The following CUX1 variants were observed in gnomAD, a reference collection of about 807,000 sequenced individuals.
The protein encoded by CUX1 is protein CASP.
CUX1 carries 31 observed loss-of-function variants against 158.8 expected under a neutral mutation model. That is an observed-to-expected ratio of 0.20 (90% CI 0.15 to 0.26). The LOEUF (loss-of-function observed/expected upper bound fraction) is 0.26. Ranked by LOEUF, CUX1 falls within the 10% of genes least tolerant of loss-of-function variation. CUX1 has a pLI of 1.00. For synonymous variants in CUX1, 879 were observed against 862.1 expected (o/e 1.02, Z -0.34); for missense variants, 1,589 against 2,014.6 (o/e 0.79, Z 4.04).
intron 1 of CUX1, among the ~76,000 whole-genome samples, chr7:101,859,553 CTG>C (rs1797219165): frequency 6.6e-6 from 1 of 152,142 alleles, no homozygotes; most frequent in African/African-American, 2.4e-5. Flanking sequence ...TCCCAAATAA[CTG>C]TATTTATTAC....
At chr7:102,135,019 A>G (rs1239167781) in intron 8 of CUX1, among the ~76,000 whole-genome samples, 1 of 152,172 alleles carries the variant, frequency 6.6e-6, no homozygotes, top group Non-Finnish European at 1.5e-5. Context: ...ACTTTTACCT[A>G]TCAATTAATT....
chr7:102,055,945 G>C (rs1442891961), intron 3 of CUX1, among the ~76,000 whole-genome samples: 2 of 152,168 alleles, frequency 1.3e-5, no homozygotes, highest in Admixed American at 6.5e-5. Flanking sequence ...TTGGTGATCT[G>C]CATAGACGAT....
At position 102,170,435 on chromosome 7, in the gene CUX1, A is replaced by C. The variant is rs782133139; in HGVS notation, c.724-11A>C. The C allele has an allele frequency of 2.6e-6, 4 of 1,557,610 alleles. No homozygotes were observed. Among genetic ancestry groups the C allele is most frequent in the Non-Finnish European group, 2.6e-6 (3 of 1,148,968 alleles). On this transcript the variant is annotated splice_polypyrimidine_tract_variant and intron_variant, in intron 9 of 23. Transcript: ENST00000292535. ...TGTACTTTCTCTTTCACCCCTTTTC[A>C]TTTCCTTCAGAGGGCAGAGGTGGCT...
chr7:102,247,858 C>CA (rs1432284834), intron 23 of CUX1, among the ~76,000 whole-genome samples: 4 of 151,598 alleles, frequency 2.6e-5, no homozygotes, highest in African/African-American at 9.7e-5. Flanking sequence ...TGGCCGGACG[C>CA]AGTGGCTCAC....
chr7:102,228,171 G>A (rs892487177), intron 21 of CUX1, among the ~76,000 whole-genome samples: 1 of 151,614 alleles, frequency 6.6e-6, no homozygotes, highest in Non-Finnish European at 1.5e-5. Context: ...GGCTGGTCTC[G>A]AACTCTTGGC....
chr7:101,865,567 T>C (rs1797858164), intron 1 of CUX1, among the ~76,000 whole-genome samples: 1 of 152,318 alleles, frequency 6.6e-6, no homozygotes, highest in Non-Finnish European at 1.5e-5. Context: ...GGGAGTCCCC[T>C]GTCAGAGAGC....
At chr7:101,994,565 C>T (rs1815576624) in intron 2 of CUX1, among the ~76,000 whole-genome samples, 2 of 152,192 alleles carry the variant, frequency 1.3e-5, no homozygotes, top group South Asian at 4.1e-4. Context: ...TGTGCCATTG[C>T]ACTCTAGCCT....
At chr7:101,844,017 T>C (rs1477552497) in intron 1 of CUX1, among the ~76,000 whole-genome samples, 2 of 152,144 alleles carry the variant, frequency 1.3e-5, no homozygotes, top group Non-Finnish European at 2.9e-5. Flanking sequence ...AGTTTGGGAC[T>C]TTCAGAGCTC....
Position 102,136,678 on chromosome 7 carries a change from C to T in CUX1, c.674+21405C>T, listed in dbSNP as rs541047282. 2.4e-4 allele frequency among the ~76,000 whole-genome samples: 36 copies of T among 152,282 alleles called. No individual in the cohort carries two copies. The East Asian group carries it at 5.4e-3, about 23-fold the overall frequency. The stretch of plus-strand genomic sequence containing the variant: ...TGCTGGGATTTTAGACGTGAGCCAC[C>T]GTGCCCGGCCATTTTACCAACTTTT... On this transcript the variant is annotated intron_variant, in intron 8 of 23. Coordinates refer to ENST00000292535, the MANE Select transcript of CUX1 (RefSeq NM_181552.4).
At chr7:101,972,068 G>A (rs1161145693) in intron 2 of CUX1, among the ~76,000 whole-genome samples, 2 of 152,182 alleles carry the variant, frequency 1.3e-5, no homozygotes, top group Admixed American at 6.5e-5. Context: ...CCGGGTTCAC[G>A]CCATTCTCCT....
intron 4 of CUX1, among the ~76,000 whole-genome samples, chr7:102,071,646 G>C (rs1384740549): frequency 2.6e-5 from 4 of 152,192 alleles, no homozygotes; most frequent in African/African-American, 7.2e-5. Flanking sequence ...GAGCGAGGCA[G>C]ACTCAGGTCT....
chr7:102,197,925 C>T (rs1250675024), intron 15 of CUX1, among the ~76,000 whole-genome samples: 2 of 152,104 alleles, frequency 1.3e-5, no homozygotes, highest in African/African-American at 4.8e-5. Context: ...CCCCACCCTC[C>T]GTAAAAAGAT....
At chr7:101,953,625 G>A (rs1157601121) in intron 2 of CUX1, among the ~76,000 whole-genome samples, 2 of 152,278 alleles carry the variant, frequency 1.3e-5, no homozygotes, top group East Asian at 3.9e-4. Context: ...TCTTAAGCTG[G>A]CTTATTAAAG....
upstream of CUX1, chr7:101,817,541 ACC>A: frequency 8.0e-7 from 1 of 1,251,352 alleles, no homozygotes; most frequent in East Asian, 3.4e-5. This position sits in a 1 kb window ranked among gnomAD's most constrained non-coding sequence, Gnocchi z 4.1. Flanking sequence ...CCTGCCTGCC[ACC>A]CCCCGCCCGG....
At chr7:102,195,783 C>G (rs1437083631) in intron 14 of CUX1, among the ~76,000 whole-genome samples, 180 bp downstream of exon 14, 1 of 152,230 alleles carries the variant, frequency 6.6e-6, no homozygotes, top group Non-Finnish European at 1.5e-5. Flanking sequence ...CCTTCCCTTC[C>G]CCGCCCTGCT....
chr7:102,098,766 G>A (rs907639481), intron 5 of CUX1, among the ~76,000 whole-genome samples: 19 of 145,526 alleles, frequency 1.3e-4, no homozygotes, highest in African/African-American at 1.8e-4. Flanking sequence ...TCAGCCTCCC[G>A]AATAGCTGGG....
chr7:102,017,929 T>C (rs1818847343), intron 2 of CUX1, among the ~76,000 whole-genome samples: 1 of 152,186 alleles, frequency 6.6e-6, no homozygotes, highest in Non-Finnish European at 1.5e-5. Context: ...AAATCACAGA[T>C]GTATTTTCAA....
chr7:102,280,100 T>C (rs782732295), exon 19 of CUX1: 1 of 1,609,774 alleles, frequency 6.2e-7, no homozygotes, highest in Admixed American at 1.7e-5. Flanking sequence ...CCTGGACCCC[T>C]TCTCCTCCTT....
At chr7:101,979,235 A>G (rs1440261523) in intron 2 of CUX1, among the ~76,000 whole-genome samples, 1 of 152,160 alleles carries the variant, frequency 6.6e-6, no homozygotes, top group East Asian at 1.9e-4. Flanking sequence ...TGTGGGCTAG[A>G]AAAAGGGCTC....
Sources: allele counts gnomAD v4.1 joint callset (sites outside exome capture counted in the v4.1 genomes callset), GRCh38; gene constraint gnomAD v4.1.1; non-coding constraint Gnocchi (gnomAD v3.1); transcripts MANE v1.5; gene names NCBI Gene and HGNC (gene_info 2026-07-23, HGNC 2026-07-21).